NTM: variants seen among roughly 807,000 people sequenced by gnomAD.
The protein encoded by NTM is neurotrimin, also known as IgLON family member 2.
NTM carries 13 observed loss-of-function variants against 42.1 expected under a neutral mutation model. That is an observed-to-expected ratio of 0.31 (90% confidence interval 0.20 to 0.49). The LOEUF is 0.49. Among genes scored for constraint, NTM ranks in the 20% least tolerant of loss-of-function variants. The pLI is 0.99. For synonymous variants in NTM, 187 were observed against 179.2 expected, an observed-to-expected ratio of 1.04 and a Z score of -0.35; for missense variants, 373 against 452.8, an observed-to-expected ratio of 0.82 and a Z score of 1.60.
At chr11:131,882,203 T>C (rs2049643901) in intron 1 of NTM, among the ~76,000 whole-genome samples, 2 of 152,176 alleles carry the variant, frequency 1.3e-5, no homozygotes, top group South Asian at 4.1e-4. Flanking sequence ...TGTCTTTCTA[T>C]CTATCTATGT....
intron 1 of NTM, among the ~76,000 whole-genome samples, chr11:131,514,662 C>T (rs2048669299): frequency 6.6e-6 from 1 of 151,730 alleles, no homozygotes; most frequent in African/African-American, 2.4e-5. Context: ...TCACTGCAGC[C>T]TGAACTCCCA....
At chr11:132,217,198 G>A (rs2084026829) in intron 4 of NTM, among the ~76,000 whole-genome samples, 1 of 152,150 alleles carries the variant, frequency 6.6e-6, no homozygotes, top group African/African-American at 2.4e-5. Flanking sequence ...AGGCAATCCC[G>A]ATATCACCTG....
chr11:131,714,427 G>A (rs1247620425), intron 1 of NTM, among the ~76,000 whole-genome samples: 1 of 152,040 alleles, frequency 6.6e-6, no homozygotes, highest in African/African-American at 2.4e-5. Flanking sequence ...CTGACTTCAG[G>A]TGATACACCC....
At chr11:132,201,722 T>C (rs544861621) in intron 3 of NTM, among the ~76,000 whole-genome samples, 2 of 152,360 alleles carry the variant, frequency 1.3e-5, no homozygotes, top group Admixed American at 6.5e-5. Context: ...CACTAATTCA[T>C]TGAACTCTGA....
At chr11:131,920,619 T>A (rs1174346491) in intron 2 of NTM, among the ~76,000 whole-genome samples, 1 of 152,196 alleles carries the variant, frequency 6.6e-6, no homozygotes, top group African/African-American at 2.4e-5. Flanking sequence ...TTATTTGGTT[T>A]TATTTGGGTG....
chr11:131,569,026 T>C (rs963757255), intron 1 of NTM, among the ~76,000 whole-genome samples: 1 of 152,218 alleles, frequency 6.6e-6, no homozygotes, highest in African/African-American at 2.4e-5. Context: ...TAGAACATTT[T>C]CGTTATCCAG....
intron 1 of NTM, among the ~76,000 whole-genome samples, chr11:131,809,320 G>T (rs778949021): frequency 3.9e-5 from 6 of 152,202 alleles, no homozygotes; most frequent in Non-Finnish European, 7.3e-5. Flanking sequence ...GGGAGATCTT[G>T]GGCAGCTGAT....
chr11:132,000,650 C>T (rs181917950), intron 2 of NTM, among the ~76,000 whole-genome samples: 2 of 152,280 alleles, frequency 1.3e-5, no homozygotes, highest in East Asian at 3.9e-4. Context: ...CTGCTTTGAT[C>T]GTTCCTCTAT....
chr11:132,208,503 AATT>A (rs1433443294), intron 3 of NTM, among the ~76,000 whole-genome samples: 4 of 152,168 alleles, frequency 2.6e-5, no homozygotes, highest in African/African-American at 9.7e-5. Flanking sequence ...GATATTTTCC[AATT>A]ATTAGTGGGG....
At chr11:132,121,433 G>T (rs559344274) in intron 2 of NTM, among the ~76,000 whole-genome samples, 1 of 152,220 alleles carries the variant, frequency 6.6e-6, no homozygotes, top group East Asian at 1.9e-4. Context: ...CAACAGAGGC[G>T]TGATGAAATG....
chr11:131,627,436 C>G (rs907789989), intron 1 of NTM, among the ~76,000 whole-genome samples: 2 of 152,064 alleles, frequency 1.3e-5, no homozygotes, highest in Non-Finnish European at 2.9e-5. Context: ...GTAGACTAAA[C>G]TGGAATTCTT....
At chr11:132,195,959 A>G (rs2080143360) in intron 3 of NTM, among the ~76,000 whole-genome samples, 1 of 152,186 alleles carries the variant, frequency 6.6e-6, no homozygotes, top group Non-Finnish European at 1.5e-5. Context: ...GACAAGTGAG[A>G]CCTAATTAAA....
chr11:131,621,832 A>AG (rs948914027), intron 1 of NTM, among the ~76,000 whole-genome samples: 12 of 151,020 alleles, frequency 7.9e-5, no homozygotes, highest in Non-Finnish European at 1.5e-4. Context: ...AAAGAAAAAA[A>AG]AAAAAAAAAA....
At chr11:131,682,169 C>T (rs2073061671) in intron 1 of NTM, among the ~76,000 whole-genome samples, 1 of 151,218 alleles carries the variant, frequency 6.6e-6, no homozygotes, top group South Asian at 2.1e-4. Context: ...CTGACTCCTG[C>T]AAGGTCTCAC....
intron 3 of NTM, among the ~76,000 whole-genome samples, chr11:132,169,901 C>T (rs2075883812): frequency 1.3e-5 from 2 of 152,140 alleles, no homozygotes; most frequent in Non-Finnish European, 2.9e-5. Context: ...AGTTATCCCA[C>T]CTTTGTCTTT....
intron 1 of NTM, among the ~76,000 whole-genome samples, chr11:131,722,976 C>T (rs1450278248): frequency 6.6e-6 from 1 of 152,178 alleles, no homozygotes; most frequent in African/African-American, 2.4e-5. Flanking sequence ...ACAGTTACTG[C>T]TTTTGTTATT....
chr11:131,513,017 C>G (rs897712094), intron 1 of NTM, among the ~76,000 whole-genome samples: 6 of 152,214 alleles, frequency 3.9e-5, no homozygotes, highest in African/African-American at 1.2e-4. Context: ...TCTTCTCCAG[C>G]TGCACTTAAT....
In NTM at chr11:131,391,644, GAAAAAAA is replaced by G. The variant is rs5795723; in HGVS notation, c.82+20769_82+20775del. 3.8e-3 allele frequency among the ~76,000 whole-genome samples: 312 copies of G among 81,564 alleles called. 4 individuals are homozygous for G. The highest frequency in any genetic ancestry group is 0.013 in the African/African-American group (287 of 21,780). The allele number at this position is 81,564 out of a possible 152,430, so 53.5% of individuals were successfully genotyped here. On this transcript the variant is annotated intron_variant, in intron 1 of 8. Transcript: ENST00000683400. ...AATCAGTCAAATGACTTTTATCTGG[GAAAAAAA>G]AAAAAAAAAAAAGAAAAGAAAAGAA...
At chr11:131,705,814 T>C (rs1288977371) in intron 1 of NTM, among the ~76,000 whole-genome samples, 1 of 151,932 alleles carries the variant, frequency 6.6e-6, no homozygotes, top group African/African-American at 2.4e-5. Flanking sequence ...AGAAGCCTCA[T>C]GATAACCACA....
Sources: allele counts gnomAD v4.1 joint callset (sites outside exome capture counted in the v4.1 genomes callset), GRCh38; gene constraint gnomAD v4.1.1; transcripts MANE v1.5; gene names NCBI Gene and HGNC (gene_info 2026-07-23, HGNC 2026-07-21).